The following DACT2 variants were observed in gnomAD, a reference collection of about 807,000 sequenced individuals.
The protein encoded by DACT2 is dapper homolog 2.
A neutral mutation model predicts 22.2 loss-of-function variants in DACT2; 20 were observed. That is an observed-to-expected ratio of 0.90 (90% confidence interval 0.63 to 1.31). The LOEUF (loss-of-function observed/expected upper bound fraction) is 1.31, where lower values mean the gene tolerates loss of function less well. Among genes scored for constraint, DACT2 ranks in the 50% most tolerant of loss-of-function variants. DACT2 has a pLI of 0.00. For synonymous variants in DACT2, 463 were observed against 479.8 expected (o/e 0.96, Z 0.46); for missense variants, 1,048 against 1,061.4 (o/e 0.99, Z 0.18).
rs1779223648 is a variant in DACT2, at chr6:168,306,996, T to A, written c.*436A>T. ...TGACAGCTTAACGTGGAGTTTAAAC[T>A]CAAATTCAATTTCCAGCTCAGAGTC... On this transcript the variant is annotated 3_prime_UTR_variant, in exon 4 of 4. Transcript: ENST00000366795. 1.0e-6 allele frequency: 1 copy of A among 999,572 alleles called. No homozygotes were observed. Among genetic ancestry groups the A allele is most frequent in the South Asian group, 4.5e-5 (1 of 22,456 alleles). 61.9% of individuals were successfully genotyped at this position (999,572 alleles called of 1,614,324 possible).
Position 168,311,246 on chromosome 6 carries a change from G to T in DACT2, c.285C>A (p.His95Gln). 1 of 1,550,944 alleles carries T rather than the reference G, an allele frequency of 6.4e-7. No individual in the cohort carries two copies. The highest frequency in any genetic ancestry group is 8.7e-7 in the Non-Finnish European group (1 of 1,146,164). Residue 95 changes from histidine (H) to glutamine (Q), a missense_variant, in exon 2 of 4, where the codon CAC becomes CAA. Physicochemically the swap from His to Gln is conservative, Grantham distance 24 (BLOSUM62 0). Coordinates refer to ENST00000366795, the MANE Select transcript of DACT2 (RefSeq NM_214462.5). ...LRQQDIGLKT[H>Q]LDQLDLQISK... ...TAATCTGCAGGTCCAGCTGGTCCAG[G>T]TGGGTCTTCAGGCCGATGTCCTGTT... is the stretch of plus-strand genomic sequence containing the variant.
rs948288426 is a variant in DACT2 at position 168,319,459 on chromosome 6, A to AGGGCGCGGC, written c.166_174dup (p.Ala56_Pro58dup). 1.0e-5 allele frequency: 12 copies of AGGGCGCGGC among 1,203,486 alleles called. No individual in the cohort carries two copies. Among genetic ancestry groups the AGGGCGCGGC allele is most frequent in the Admixed American group, 4.4e-5 (1 of 22,480 alleles). The allele number at this position is 1,203,486 out of a possible 1,614,324, so 74.6% of individuals were successfully genotyped here. A position where few individuals can be genotyped will look rare whatever the true frequency, so the allele number is the denominator to read the frequency against. On this transcript the variant is annotated inframe_insertion, in exon 1 of 4. Coordinates refer to ENST00000366795, the MANE Select transcript of DACT2 (RefSeq NM_214462.5). ...GGGCCGTGGAGGCCGTGGGGGCCGC[A>AGGGCGCGGC]GGGCGCGGCGGGCGCGGGCGGGGGC...
At chr6:168,295,450 G>A (rs1306521319) in intron 3 of DACT2, among the ~76,000 whole-genome samples, 1 of 152,028 alleles carries the variant, frequency 6.6e-6, no homozygotes, top group East Asian at 1.9e-4. Flanking sequence ...TAAGGCTGCA[G>A]GATACAAAAT....
chr6:168,310,581 TCGTCCA>T, intron 2 of DACT2, 135 bp from the exon 3 acceptor site: 1 of 1,214,040 alleles, frequency 8.2e-7, no homozygotes, highest in Non-Finnish European at 1.1e-6. Flanking sequence ...CTGTGTGCCA[TCGTCCA>T]CACGGCCGGC....
chr6:168,294,575 GTGTA>G lies in DACT2; in HGVS notation c.730+54_730+57del, dbSNP rs1357369628. 2,510 of 341,026 alleles carry G rather than the reference GTGTA, an allele frequency of 7.4e-3. 7 individuals carry two copies. The highest frequency in any genetic ancestry group is 0.038 in the East Asian group (397 of 10,582). 21.1% of individuals were successfully genotyped at this position (341,026 alleles called of 1,614,324 possible). ...TGTGTGTGTGTATGTGTGTGTGTGT[GTGTA>G]TATATATATATATATATATATATAC... On this transcript the variant is annotated intron_variant, in intron 4 of 5. Transcript: ENST00000366796.
rs748972206 is a variant in DACT2, at chr6:168,307,865, G to T, written c.1892C>A (p.Pro631His). 2.5e-5 allele frequency: 38 copies of T among 1,539,026 alleles called. No individual in the cohort carries two copies. The highest frequency in any genetic ancestry group is 2.8e-5 in the Non-Finnish European group (32 of 1,146,060). ...TGCTCTCCTGGCCACGGGCCTGGGG[G>T]GCCCCAGGTTAGACTCAGGACAGCT... ...LASCPESNLG[P>H]PRPVARRAGG... Residue 631 changes from proline (P) to histidine (H), a missense_variant, in exon 4 of 4, where the codon CCC becomes CAC. Pro to His is a moderately conservative substitution (Grantham distance 77). Coordinates refer to ENST00000366795, the MANE Select transcript of DACT2 (RefSeq NM_214462.5). This position sits in a 1 kb window ranked among gnomAD's most constrained non-coding sequence, Gnocchi z 5.3.
At chr6:168,311,548 A>ACAAACACACACACC (rs760504807) in intron 1 of DACT2, among the ~76,000 whole-genome samples, 1 of 79,540 alleles carries the variant, frequency 1.3e-5, no homozygotes, top group African/African-American at 6.9e-5. Context: ...ATCCACACAC[A>ACAAACACACACACC]CATACACACA....
At chr6:168,310,139 G>C (rs764604038) in intron 3 of DACT2, 29 bp downstream of exon 3, 1 of 1,546,396 alleles carries the variant, frequency 6.5e-7, no homozygotes, top group South Asian at 1.2e-5. Context: ...CCTGAGATGA[G>C]ACCCCCACCT....
chr6:168,294,602 T>TATATATATATATATAC lies in DACT2; in HGVS notation c.730+30_730+31insGTATATATATATATAT, dbSNP rs768380927. ...GTATATATATATATATATATATATATACACATATAAAGAAGAACATCCTTC... is the reference window on the plus strand; with the variant it reads ...GTATATATATATATATATATATATATATATATATATATATACACACATATAAAGAAGAACATCCTTC... On this transcript the variant is annotated intron_variant, in intron 4 of 5. Coordinates refer to the DACT2 transcript ENST00000366796. 1.7e-4 allele frequency: 136 copies of TATATATATATATATAC among 812,568 alleles called. 1 individual carries two copies. The African/African-American group carries it at 3.0e-3, about 18-fold the overall frequency. 50.3% of individuals were successfully genotyped at this position (812,568 alleles called of 1,614,324 possible).
intron 1 of DACT2, among the ~76,000 whole-genome samples, chr6:168,312,595 TGTGTGTGTACATGTGTGC>T (rs1252102024): frequency 1.3e-5 from 2 of 152,224 alleles, no homozygotes; most frequent in Admixed American, 1.3e-4. Context: ...TGAGCATGTG[TGTGTGTGTACATGTGTGC>T]GTGTGTGTGC....
intron 2 of DACT2, 106 bp downstream of exon 2, chr6:168,311,046 T>C: frequency 7.3e-7 from 1 of 1,371,576 alleles, no homozygotes; most frequent in Admixed American, 2.9e-5. Flanking sequence ...GACACTAGGA[T>C]ACCTGGAATG....
intron 1 of DACT2, among the ~76,000 whole-genome samples, chr6:168,316,256 C>CTCCCT (rs1779540958): frequency 6.6e-6 from 1 of 150,718 alleles, no homozygotes; most frequent in Non-Finnish European, 1.5e-5. Context: ...TCGGCAGCAC[C>CTCCCT]TCCCTTCCCA....
chr6:168,307,793 G>T lies in DACT2; in HGVS notation c.1964C>A (p.Ala655Asp). The T allele has an allele frequency of 6.5e-7, 1 of 1,543,266 alleles. No individual in the cohort carries two copies. Among genetic ancestry groups the T allele is most frequent in the Non-Finnish European group, 8.7e-7 (1 of 1,146,368 alleles). The change falls in exon 4 of 4, where the codon GCC becomes GAC. Residue 655 changes from alanine to aspartate, a missense_variant. By Grantham distance (126) the Ala-to-Asp change is moderately radical. Transcript: ENST00000366795. This position sits in a 1 kb window ranked among gnomAD's most constrained non-coding sequence, Gnocchi z 5.3. ...GGGCTCTGAGTCGCTCCTGGTGTAG[G>T]CGTCCTGGCGGACCAGTGAGGGACG... The part of the protein sequence containing the change: ...RGRPSLVRQD[A>D]YTRSDSEPSK...
chr6:168,309,518 C>T (rs1779341691), intron 3 of DACT2, among the ~76,000 whole-genome samples: 1 of 70,380 alleles, frequency 1.4e-5, no homozygotes, highest in African/African-American at 5.3e-5. Flanking sequence ...TGATCCTGCC[C>T]GTTGCGGGAG....
At chr6:168,297,786 G>A (rs1373862230) in intron 3 of DACT2, among the ~76,000 whole-genome samples, 6 of 152,368 alleles carry the variant, frequency 3.9e-5, no homozygotes, top group Admixed American at 1.3e-4. Flanking sequence ...AAACGGCAAC[G>A]TAAGAGTCCA....
Position 168,308,011 on chromosome 6 carries a change from G to A in DACT2, c.1746C>T (p.Ser582=). The change falls in exon 4 of 4, where the codon AGC becomes AGT. Residue 582 remains serine (S), a synonymous_variant. Coordinates refer to ENST00000366795, the MANE Select transcript of DACT2 (RefSeq NM_214462.5). ...ACAGGGCTTGGGCTGAGGTCCGGTG[G>A]CTCTCCTGCGGGGCCACTGCCAAGG... ...LVPLAVAPQE[S]HRTSAQALFP... The A allele has an allele frequency of 6.4e-7, 1 of 1,550,544 alleles. No homozygotes were observed. The highest frequency in any genetic ancestry group is 8.7e-7 in the Non-Finnish European group (1 of 1,146,494).
chr6:168,298,538 GC>G (rs1211178145), intron 3 of DACT2: 1 of 152,210 alleles, frequency 6.6e-6, no homozygotes, highest in Non-Finnish European at 1.5e-5. Flanking sequence ...TATTTTAACA[GC>G]CAAGAAAGAT....
At chr6:168,293,741 C>T in exon 6 of DACT2, 1 of 653,238 alleles carries the variant, frequency 1.5e-6, no homozygotes, top group Non-Finnish European at 2.8e-6. Flanking sequence ...TTCTCTGCAG[C>T]TCCCACTGGC....
chr6:168,313,387 C>G (rs549958026), intron 1 of DACT2, among the ~76,000 whole-genome samples: 4 of 152,170 alleles, frequency 2.6e-5, no homozygotes, highest in Non-Finnish European at 5.9e-5. Flanking sequence ...TGGCAAAAAC[C>G]AATCCTGAAT....
Sources: gnomAD v4.1 joint callset for allele counts (sites outside exome capture counted in the v4.1 genomes callset) on GRCh38, gnomAD v4.1.1 for gene constraint, Gnocchi (gnomAD v3.1) non-coding constraint, MANE v1.5 for transcripts, NCBI Gene and HGNC (gene_info 2026-07-23, HGNC 2026-07-21) for gene names.